Variants in TEX2 observed in about 807,000 individuals in gnomAD.
TEX2 encodes testis expressed 2.
TEX2 carries 53 observed loss-of-function variants against 106.9 expected under a neutral mutation model. That is an observed-to-expected ratio of 0.50 (90% CI 0.40 to 0.62). The LOEUF is 0.62. Among genes scored for constraint, TEX2 ranks in the 20% least tolerant of loss-of-function variants. The pLI, the probability that TEX2 is intolerant of heterozygous loss-of-function variation, is 0.00. For missense variants in TEX2, 1,207 were observed against 1,379.0 expected (o/e 0.88, Z 1.98); for synonymous variants, 523 against 534.8 (o/e 0.98, Z 0.30).
chr17:64,190,849 C>T (rs999498313), intron 4 of TEX2, among the ~76,000 whole-genome samples: 1 of 152,164 alleles, frequency 6.6e-6, no homozygotes, highest in Non-Finnish European at 1.5e-5. Flanking sequence ...AAGCACAATC[C>T]GTGTTGCTAG....
At chr17:64,251,621 TCAGGTGGAC>T in intron 1 of TEX2, among the ~76,000 whole-genome samples, 1 of 152,280 alleles carries the variant, frequency 6.6e-6, no homozygotes, top group Admixed American at 6.5e-5. Flanking sequence ...TTTTGACATG[TCAGGTGGAC>T]CTGATGAGCA....
intron 4 of TEX2, among the ~76,000 whole-genome samples, chr17:64,192,474 C>T (rs1478529078): frequency 6.6e-6 from 1 of 152,218 alleles, no homozygotes; most frequent in Non-Finnish European, 1.5e-5. Context: ...TATGCAGAGT[C>T]TCACAAGGAG....
chr17:64,209,029 C>G (rs1442439676), intron 2 of TEX2, among the ~76,000 whole-genome samples: 1 of 152,172 alleles, frequency 6.6e-6, no homozygotes, highest in Non-Finnish European at 1.5e-5. Context: ...TTCATCTACC[C>G]ATCCATTCAG....
At chr17:64,211,653 A>C (rs1176543171) in intron 2 of TEX2, among the ~76,000 whole-genome samples, 1 of 152,206 alleles carries the variant, frequency 6.6e-6, no homozygotes, top group African/African-American at 2.4e-5. Flanking sequence ...TAATACAAAT[A>C]CTATGCCATT....
intron 6 of TEX2, among the ~76,000 whole-genome samples, chr17:64,174,921 G>C (rs2031559249): frequency 6.6e-6 from 1 of 152,212 alleles, no homozygotes; most frequent in Non-Finnish European, 1.5e-5. Flanking sequence ...TCATGTGCAA[G>C]GCTGACAATC....
chr17:64,235,375 C>T (rs1342942896), intron 1 of TEX2, among the ~76,000 whole-genome samples: 1 of 152,182 alleles, frequency 6.6e-6, no homozygotes, highest in Non-Finnish European at 1.5e-5. Flanking sequence ...AAGCTTTCTG[C>T]AGGTGCTCTG....
rs1160783496 is a variant in TEX2, at chr17:64,204,717, A to G, written c.1644+7857T>C. Among the ~76,000 whole-genome samples the G allele has an allele frequency of 1.9e-4, 29 of 152,252 alleles. 1 individual carries two copies. The highest frequency in any genetic ancestry group is 4.4e-5 in the Non-Finnish European group (3 of 68,046). ...GGCAAACTCATCTTTGGAGTACAGC[A>G]AACCTCTTCTTAACGGCTAATTATT... is the stretch of plus-strand genomic sequence containing the variant. On this transcript the variant is annotated intron_variant, in intron 2 of 11. Coordinates refer to ENST00000584379, the MANE Select transcript of TEX2 (RefSeq NM_001288732.2).
At position 64,223,174 on chromosome 17, in the gene TEX2, C is replaced by T. The variant is rs555911006; in HGVS notation, c.-25-8932G>A. 2.0e-4 allele frequency among the ~76,000 whole-genome samples: 31 copies of T among 152,128 alleles called. No individual in the cohort carries two copies. In the South Asian group the frequency reaches 6.0e-3, roughly 30 times the overall value. ...TCTGTGTCAGTGGAGTCAGAGTGAGCGTATCAAACAGCAATGAGGTTTATT... is the reference window on the plus strand; with the variant it reads ...TCTGTGTCAGTGGAGTCAGAGTGAGTGTATCAAACAGCAATGAGGTTTATT... On this transcript the variant is annotated intron_variant, in intron 1 of 11. Transcript: ENST00000584379.
Position 64,205,188 on chromosome 17 carries a change from G to A in TEX2, c.1644+7386C>T, listed in dbSNP as rs894675885. Reference sequence around the variant, plus strand: ...ACTGATTAGCCGTGCATGGTGATGCGCACATGTAATCCCAGCAACTCTGGA... The same window carrying A: ...ACTGATTAGCCGTGCATGGTGATGCACACATGTAATCCCAGCAACTCTGGA... On this transcript the variant is annotated intron_variant, in intron 2 of 11. Coordinates refer to ENST00000584379, the MANE Select transcript of TEX2 (RefSeq NM_001288732.2). This position sits in a 1 kb window ranked among gnomAD's most constrained non-coding sequence, Gnocchi z 4.0. Among the ~76,000 whole-genome samples, 1 of 152,094 alleles carries A rather than the reference G, an allele frequency of 6.6e-6. No individual in the cohort carries two copies. Among genetic ancestry groups the A allele is most frequent in the Non-Finnish European group, 1.5e-5 (1 of 68,036 alleles).
intron 6 of TEX2, among the ~76,000 whole-genome samples, chr17:64,171,586 C>T (rs2031401875): frequency 6.6e-6 from 1 of 151,946 alleles, no homozygotes; most frequent in South Asian, 2.1e-4. Context: ...CAGAGGCCAC[C>T]TATGGAGAAG....
In TEX2 at chr17:64,240,233, ATGTGTGTGTGTGTGTG is replaced by A. The variant is rs67965706; in HGVS notation, c.-26+22919_-26+22934del. 5.4e-3 allele frequency among the ~76,000 whole-genome samples: 797 copies of A among 147,414 alleles called. 11 individuals carry two copies. The highest frequency in any genetic ancestry group is 0.018 in the African/African-American group (736 of 40,090). ...TGTATATAAGTATGTGTATATGCAG[ATGTGTGTGTGTGTGTG>A]TGTGTGTGTGTGTGTAAAGCTCTTT... On this transcript the variant is annotated intron_variant, in intron 1 of 11. Transcript: ENST00000584379.
chr17:64,173,274 T>A (rs966403166), intron 6 of TEX2, among the ~76,000 whole-genome samples: 1 of 152,210 alleles, frequency 6.6e-6, no homozygotes, highest in African/African-American at 2.4e-5. Flanking sequence ...CTCTCCTTTT[T>A]TTTTCTCCCA....
At chr17:64,223,230 C>A (rs933262494) in intron 1 of TEX2, among the ~76,000 whole-genome samples, 1 of 152,018 alleles carries the variant, frequency 6.6e-6, no homozygotes, top group Middle Eastern at 3.2e-3. Context: ...AGGTCATCAT[C>A]ATCAATTAGG....
intron 1 of TEX2, among the ~76,000 whole-genome samples, chr17:64,227,224 C>CA (rs35266239): frequency 0.59 from 74,021 of 124,878 alleles, 21,370 homozygotes; most frequent in East Asian, 0.81. Context: ...GACTCCGTAT[C>CA]AAAAAAAAAA....
chr17:64,257,142 A>G (rs921983759), intron 1 of TEX2, among the ~76,000 whole-genome samples: 9 of 152,200 alleles, frequency 5.9e-5, no homozygotes, highest in African/African-American at 2.2e-4. Flanking sequence ...GTTTGTTGCA[A>G]TAATCTTCTT....
intron 1 of TEX2, among the ~76,000 whole-genome samples, chr17:64,230,118 C>T (rs1291040336): frequency 6.6e-6 from 1 of 152,032 alleles, no homozygotes; most frequent in East Asian, 1.9e-4. Context: ...TGTGTGCATG[C>T]ATGTGTGCAC....
chr17:64,218,587 T>A (rs1555632920), intron 1 of TEX2, among the ~76,000 whole-genome samples: 1 of 151,904 alleles, frequency 6.6e-6, no homozygotes, highest in Non-Finnish European at 1.5e-5. Flanking sequence ...CCTGGCTAAT[T>A]TTTGTATTTT....
intron 5 of TEX2, among the ~76,000 whole-genome samples, chr17:64,177,737 A>G (rs1342797830): frequency 6.6e-6 from 1 of 152,196 alleles, no homozygotes; most frequent in Non-Finnish European, 1.5e-5. Context: ...ATTTCATACT[A>G]TTAGCTTAGC....
chr17:64,160,140 A>C (rs903284), intron 8 of TEX2, among the ~76,000 whole-genome samples: 125,198 of 152,164 alleles, frequency 0.82, 51,579 homozygotes, highest in Middle Eastern at 0.89. Context: ...TCAAAGCAGT[A>C]ATTTTAAGGA....
Sources: allele counts gnomAD v4.1 joint callset (sites outside exome capture counted in the v4.1 genomes callset), GRCh38; gene constraint gnomAD v4.1.1; non-coding constraint Gnocchi (gnomAD v3.1); transcripts MANE v1.5; gene names NCBI Gene and HGNC (gene_info 2026-07-23, HGNC 2026-07-21).